Variants in DCX observed in about 807,000 individuals in gnomAD.
The protein encoded by DCX is neuronal migration protein doublecortin.
A neutral mutation model predicts 20.9 loss-of-function variants in DCX; 4 were observed. The observed-to-expected ratio is 0.19, with a 90% CI of 0.09 to 0.44. DCX has a LOEUF of 0.44. DCX is among the 20% of genes least tolerant of loss of function. DCX has a pLI of 0.99. For missense variants in DCX, 133 were observed against 296.9 expected (o/e 0.45, Z 4.06); for synonymous variants, 103 against 111.4 (o/e 0.92, Z 0.47).
intron 3 of DCX, among the ~76,000 whole-genome samples, chrX:111,341,647 G>A (rs1300537196): frequency 9.0e-6 from 1 of 111,599 alleles, no homozygotes; most frequent in East Asian, 2.8e-4. Flanking sequence ...CACCTACAGA[G>A]GTAAGCCCAT....
intron 6 of DCX, among the ~76,000 whole-genome samples, chrX:111,311,463 A>G (rs748423065): frequency 1.4e-3 from 162 of 112,177 alleles, no homozygotes; most frequent in Non-Finnish European, 2.4e-3. Flanking sequence ...GAAAAAAACA[A>G]CCTTGACTTA....
intron 3 of DCX, among the ~76,000 whole-genome samples, chrX:111,354,366 T>C (rs1213502711): frequency 8.9e-6 from 1 of 111,811 alleles, no homozygotes; most frequent in Non-Finnish European, 1.9e-5. Context: ...CTTCCCATTA[T>C]GCGAATTACC....
At chrX:111,360,027 A>C (rs1451322792) in intron 3 of DCX, among the ~76,000 whole-genome samples, 1 of 112,228 alleles carries the variant, frequency 8.9e-6, no homozygotes, top group African/African-American at 3.2e-5. Flanking sequence ...AAAAATGCCT[A>C]TTGCAGTATC....
intron 3 of DCX, among the ~76,000 whole-genome samples, chrX:111,338,963 T>G (rs1921983544): frequency 9.0e-6 from 1 of 111,533 alleles, no homozygotes; most frequent in African/African-American, 3.3e-5. Flanking sequence ...CAATGGTCCT[T>G]CCCTGGCCTC....
rs1204976259 is a variant in DCX, at chrX:111,312,732, G to A, written c.951C>T (p.Asn317=). 1.7e-5 allele frequency: 21 copies of A among 1,209,172 alleles called. No individual in the cohort carries two copies. Among genetic ancestry groups the A allele is most frequent in the East Asian group, 8.9e-5 (3 of 33,740 alleles). Residue 317 remains asparagine, a synonymous_variant, in exon 6 of 7, where the codon AAC becomes AAT. Coordinates refer to ENST00000636035, the MANE Select transcript of DCX (RefSeq NM_001195553.2). ...TAGAGAGCTGGCTGCTGGAGGTTCC[G>A]TTTGCTAGCCCAAAGCAAGAGAAAA... ...PADSGNDQDA[N]GTSSSQLSTP... is the part of the protein sequence containing the mutation.
chrX:111,322,365 C>T (rs956187902), intron 5 of DCX, among the ~76,000 whole-genome samples: 1 of 111,944 alleles, frequency 8.9e-6, no homozygotes, highest in Non-Finnish European at 1.9e-5. Flanking sequence ...ACATACCTCC[C>T]ACTGTGAACT....
intron 5 of DCX, among the ~76,000 whole-genome samples, chrX:111,328,415 C>A (rs2095104607): frequency 9.0e-6 from 1 of 111,443 alleles, no homozygotes; most frequent in Non-Finnish European, 1.9e-5. Flanking sequence ...TTCTGGAGAT[C>A]AATGATTTGA....
At chrX:111,392,137 T>C (rs1342168980) in intron 3 of DCX, among the ~76,000 whole-genome samples, 1 of 111,534 alleles carries the variant, frequency 9.0e-6, no homozygotes, top group Admixed American at 9.5e-5. Flanking sequence ...CTATATTGTT[T>C]AGGAAAGAAC....
intron 6 of DCX, among the ~76,000 whole-genome samples, chrX:111,304,008 A>G (rs1425799124): frequency 1.8e-5 from 2 of 112,129 alleles, no homozygotes; most frequent in Non-Finnish European, 3.8e-5. Flanking sequence ...ACCAAGACAC[A>G]GGCAGGATCT....
intron 3 of DCX, among the ~76,000 whole-genome samples, chrX:111,397,716 C>A (rs1170755033): frequency 2.7e-5 from 3 of 111,614 alleles, no homozygotes; most frequent in Non-Finnish European, 5.6e-5. Flanking sequence ...TCTTAATTAT[C>A]AGTGTTTTAT....
intron 5 of DCX, among the ~76,000 whole-genome samples, chrX:111,324,410 T>C (rs920902999): frequency 1.8e-5 from 2 of 112,233 alleles, no homozygotes; most frequent in South Asian, 3.7e-4. Flanking sequence ...CAGTATCTAT[T>C]ATGCATTTTG....
At chrX:111,367,216 C>T (rs968002521) in intron 3 of DCX, among the ~76,000 whole-genome samples, 1 of 111,672 alleles carries the variant, frequency 9.0e-6, no homozygotes, top group African/African-American at 3.3e-5. Flanking sequence ...ATAGGCTGAA[C>T]ACTATTTCAT....
intron 6 of DCX, among the ~76,000 whole-genome samples, chrX:111,302,382 A>G (rs1294987466): frequency 8.9e-6 from 1 of 112,043 alleles, no homozygotes; most frequent in African/African-American, 3.2e-5. Flanking sequence ...GTTTTGGGCT[A>G]TTGCAAATAA....
At chrX:111,400,025 A>G (rs1009213381) in intron 3 of DCX, among the ~76,000 whole-genome samples, 1 of 112,175 alleles carries the variant, frequency 8.9e-6, no homozygotes, top group Admixed American at 9.5e-5. Flanking sequence ...ACTTTGATAT[A>G]TAGTGAATCC....
chrX:111,400,690 T>C (rs1244204670), intron 3 of DCX, among the ~76,000 whole-genome samples: 1 of 112,382 alleles, frequency 8.9e-6, no homozygotes, highest in African/African-American at 3.2e-5. Flanking sequence ...GCTAAATTCA[T>C]ATTCATAAGA....
chrX:111,367,235 G>A (rs926526100), intron 3 of DCX, among the ~76,000 whole-genome samples: 3 of 111,654 alleles, frequency 2.7e-5, no homozygotes, highest in Admixed American at 9.6e-5. Context: ...ATCAGGGACT[G>A]AATCACTTCC....
intron 5 of DCX, among the ~76,000 whole-genome samples, chrX:111,319,222 C>T (rs769496112): frequency 9.8e-5 from 11 of 111,709 alleles, no homozygotes; most frequent in Non-Finnish European, 1.7e-4. Context: ...AAAGCTCCAG[C>T]TGCTGTGGTT....
chrX:111,358,472 A>G (rs1047425460), intron 3 of DCX, among the ~76,000 whole-genome samples: 29 of 112,159 alleles, frequency 2.6e-4, no homozygotes, highest in Admixed American at 2.4e-3. Flanking sequence ...CCATATTCAA[A>G]CATTTCCAGA....
intron 6 of DCX, among the ~76,000 whole-genome samples, chrX:111,303,169 C>A (rs2095037770): frequency 9.2e-6 from 1 of 108,352 alleles, no homozygotes; most frequent in Admixed American, 1.0e-4. Context: ...CTCACTGCAA[C>A]CTCCGCCTCC....
Sources: gnomAD v4.1 joint callset for allele counts (sites outside exome capture counted in the v4.1 genomes callset) on GRCh38, gnomAD v4.1.1 for gene constraint, MANE v1.5 for transcripts, NCBI Gene and HGNC (gene_info 2026-07-23, HGNC 2026-07-21) for gene names.